The following CEP295NL variants were observed in gnomAD, a reference collection of about 807,000 sequenced individuals.
The protein encoded by CEP295NL is CEP295 N-terminal like, also known as protein DDC8 homolog.
Under a neutral mutation model 4.6 loss-of-function variants are expected in CEP295NL, and 3 were observed. The observed-to-expected ratio is 0.65, with a 90% CI of 0.30 to 1.69. The LOEUF (loss-of-function observed/expected upper bound fraction) is 1.69. CEP295NL is among the 40% of genes most tolerant of loss of function. CEP295NL has a pLI of 0.10. For synonymous variants in CEP295NL, 295 were observed against 312.2 expected (o/e 0.94, Z 0.58); for missense variants, 719 against 769.0 (o/e 0.93, Z 0.77).
chr17:78,898,941 C>A (rs1320846660), intron 2 of CEP295NL: 1 of 152,094 alleles, frequency 6.6e-6, no homozygotes, highest in Non-Finnish European at 1.5e-5. Flanking sequence ...TTTCACCATG[C>A]CGGCCAGGCT....
chr17:78,894,559 T>A (rs2069968318), intron 2 of CEP295NL, among the ~76,000 whole-genome samples: 1 of 152,078 alleles, frequency 6.6e-6, no homozygotes, highest in Non-Finnish European at 1.5e-5. Context: ...AAAGAATAGT[T>A]TTTTTGTTTT....
At chr17:78,902,013 C>A (rs1466373889) in intron 1 of CEP295NL, 87 bp from the exon 2 acceptor site, 9 of 564,872 alleles carry the variant, frequency 1.6e-5, no homozygotes, top group South Asian at 1.5e-4. Context: ...TCTAAAAATA[C>A]CCTCCATGAC....
rs1436346855 is a variant in CEP295NL, at chr17:78,891,653, C to T, written c.851G>A (p.Gly284Glu). Residue 284 changes from glycine to glutamate, a missense_variant, in exon 3 of 3, where the codon GGG becomes GAG. Gly to Glu is a moderately conservative substitution (Grantham distance 98). Coordinates refer to ENST00000322630, the MANE Select transcript of CEP295NL (RefSeq NM_001243540.2). The surrounding 1 kb of genome is among the most constrained non-coding windows in gnomAD (Gnocchi z 4.5). The part of the protein sequence containing the change: ...ARAGRRQLGK[G>E]AVCFVPALTS... ...CAGGGCTGGAACAAAGCAAACTGCC[C>T]CCTTTCCCAGTTGCCTCCTCCCCGC... 3 of 1,551,014 alleles carry T rather than the reference C, an allele frequency of 1.9e-6. No individual in the cohort carries two copies. The highest frequency in any genetic ancestry group is 2.4e-5 in the South Asian group (2 of 84,062).
chr17:78,892,213 C>T lies in CEP295NL; in HGVS notation c.291G>A (p.Ala97=), dbSNP rs752729610. Residue 97 remains alanine (A), a synonymous_variant, in exon 3 of 3, where the codon GCG becomes GCA. Coordinates refer to ENST00000322630, the MANE Select transcript of CEP295NL (RefSeq NM_001243540.2). Reference sequence around the variant, plus strand: ...GGTAGTTTTTCCACAGCTTGGCATCCGCTCTTCTCTGCAGAGCGAGATCGC... The same window carrying T: ...GGTAGTTTTTCCACAGCTTGGCATCTGCTCTTCTCTGCAGAGCGAGATCGC... ...GKGDLALQRR[A]DAKLWKNYQL... 4.1e-5 allele frequency: 64 copies of T among 1,550,912 alleles called. No individual in the cohort carries two copies. The highest frequency in any genetic ancestry group is 7.3e-5 in the East Asian group (3 of 40,940).
rs1030541227 is a variant in CEP295NL, at chr17:78,896,846, G to A, written c.45-4387C>T. 5 of 868,110 alleles carry A rather than the reference G, an allele frequency of 5.8e-6. No individual in the cohort carries two copies. Among genetic ancestry groups the A allele is most frequent in the Non-Finnish European group, 5.5e-6 (4 of 722,996 alleles). The allele number at this position is 868,110 out of a possible 1,614,324, so 53.8% of individuals were successfully genotyped here. ...CTACAGCCCCGTGGCCCCAGCGCAG[G>A]AGCCAGCCCATGGCAGCTCCACCCC... On this transcript the variant is annotated intron_variant, in intron 2 of 2. Coordinates refer to ENST00000322630, the MANE Select transcript of CEP295NL (RefSeq NM_001243540.2). The surrounding 1 kb of genome is among the most constrained non-coding windows in gnomAD (Gnocchi z 4.4).
chr17:78,897,140 T>C, intron 2 of CEP295NL: 1 of 283,314 alleles, frequency 3.5e-6, no homozygotes, highest in Non-Finnish European at 5.3e-6. Context: ...CGAAGGAGAC[T>C]CCAGGCCTGC....
In CEP295NL at chr17:78,891,148, G is replaced by A. The variant is rs144028091; in HGVS notation, c.1356C>T (p.Pro452=). 4.8e-5 allele frequency: 74 copies of A among 1,550,582 alleles called. No homozygotes were observed. In the African/African-American group the frequency reaches 6.2e-4, roughly 13 times the overall value. ...CTTTGTTGATAAATATACCTGCCTC[G>A]GGAGACAATGTTTGACTTCCATTTC... is the stretch of plus-strand genomic sequence containing the variant. The part of the protein sequence containing the change: ...TFRNGSQTLS[P]EAGIFINKED... Residue 452 remains proline (P), a synonymous_variant, in exon 3 of 3, where the codon CCC becomes CCT. Transcript: ENST00000322630. The surrounding 1 kb of genome is among the most constrained non-coding windows in gnomAD (Gnocchi z 4.5).
At chr17:78,902,968 G>T (rs1003819090) in intron 1 of CEP295NL, among the ~76,000 whole-genome samples, 166 bp downstream of exon 1, 1 of 152,170 alleles carries the variant, frequency 6.6e-6, no homozygotes, top group Non-Finnish European at 1.5e-5. Flanking sequence ...GGACTTTGCC[G>T]CTGGCCTTGC....
At chr17:78,895,703 C>A (rs1354326273) in intron 2 of CEP295NL, among the ~76,000 whole-genome samples, 2 of 152,318 alleles carry the variant, frequency 1.3e-5, no homozygotes, top group East Asian at 3.9e-4. Context: ...ACTTTCCCAG[C>A]TCACATGGAG....
At chr17:78,893,614 TG>T (rs1487283991) in intron 2 of CEP295NL, among the ~76,000 whole-genome samples, 3 of 151,982 alleles carry the variant, frequency 2.0e-5, no homozygotes, top group African/African-American at 7.3e-5. Flanking sequence ...TGTGTGCCTC[TG>T]TGTGCATGTC....
rs1185819223 is a variant in CEP295NL at position 78,896,577 on chromosome 17, C to A, written c.45-4118G>T. The stretch of plus-strand genomic sequence containing the variant: ...CTCCACATCCTCTGAGTGTTCTGAG[C>A]ATCCTGGGCTGCTTTGGTGTTTTCT... On this transcript the variant is annotated intron_variant, in intron 2 of 2. Coordinates refer to ENST00000322630, the MANE Select transcript of CEP295NL (RefSeq NM_001243540.2). The surrounding 1 kb of genome is among the most constrained non-coding windows in gnomAD (Gnocchi z 4.4). Among the ~76,000 whole-genome samples the A allele has an allele frequency of 6.6e-6, 1 of 152,164 alleles. No homozygotes were observed. The highest frequency in any genetic ancestry group is 1.5e-5 in the Non-Finnish European group (1 of 68,026).
In CEP295NL at chr17:78,892,321, T is replaced by C. The variant is rs1213430725; in HGVS notation, c.183A>G (p.Gly61=). The change falls in exon 3 of 3, where the codon GGA becomes GGG. Residue 61 remains glycine (G), a synonymous_variant. Transcript: ENST00000322630. ...GFADRNRNMD[G]AMWLSLCPDN... ...CAGGACAGAGGCTCAGCCACATGGC[T>C]CCATCCATGTTTCTGTTCCTGTCTG... 1.9e-6 allele frequency: 3 copies of C among 1,550,498 alleles called. No individual in the cohort carries two copies. Among genetic ancestry groups the C allele is most frequent in the African/African-American group, 2.7e-5 (2 of 73,060 alleles).
chr17:78,901,161 G>C (rs761181691), intron 2 of CEP295NL: 1 of 152,864 alleles, frequency 6.5e-6, no homozygotes, highest in Non-Finnish European at 1.5e-5. Context: ...CCGAGAGCTC[G>C]GCAGAGACAC....
At chr17:78,902,004 C>T (rs2070100795) in intron 1 of CEP295NL, 78 bp from the exon 2 acceptor site, 1 of 574,840 alleles carries the variant, frequency 1.7e-6, no homozygotes, top group South Asian at 2.1e-5. Flanking sequence ...GTTCTAGCCT[C>T]TAAAAATACC....
At chr17:78,893,161 GTGTGTGTGCATACA>G (rs2069931297) in intron 2 of CEP295NL, among the ~76,000 whole-genome samples, 1 of 148,892 alleles carries the variant, frequency 6.7e-6, no homozygotes, top group Non-Finnish European at 1.5e-5. Context: ...GTGTGCAGGG[GTGTGTGTGCATACA>G]TGTGTGTGCA....
Position 78,891,144 on chromosome 17 carries a change from C to T in CEP295NL, c.1360G>A (p.Ala454Thr), listed in dbSNP as rs1252664925. ...TCCTCTTTGTTGATAAATATACCTG[C>T]CTCGGGAGACAATGTTTGACTTCCA... is the stretch of plus-strand genomic sequence containing the variant. ...RNGSQTLSPE[A>T]GIFINKEDSL... Residue 454 changes from alanine to threonine, a missense_variant, in exon 3 of 3, where the codon GCA becomes ACA. Coordinates refer to ENST00000322630, the MANE Select transcript of CEP295NL (RefSeq NM_001243540.2). The surrounding 1 kb of genome is among the most constrained non-coding windows in gnomAD (Gnocchi z 4.5). The T allele has an allele frequency of 3.2e-6, 5 of 1,550,538 alleles. No homozygotes were observed. In the Admixed American group the frequency reaches 9.8e-5, roughly 30 times the overall value.
At chr17:78,902,025 C>T (rs939372904) in intron 1 of CEP295NL, 99 bp from the exon 2 acceptor site, 26 of 549,832 alleles carry the variant, frequency 4.7e-5, no homozygotes, top group Middle Eastern at 4.7e-4. Flanking sequence ...CTCCATGACA[C>T]GCTGTGTGCT....
Position 78,891,714 on chromosome 17 carries a change from CG to C in CEP295NL, c.789del (p.Ile263MetfsTer30). On this transcript the variant is annotated frameshift_variant, in exon 3 of 3. Coordinates refer to ENST00000322630, the MANE Select transcript of CEP295NL (RefSeq NM_001243540.2). LOFTEE classifies it low-confidence loss of function (END_TRUNC). The surrounding 1 kb of genome is among the most constrained non-coding windows in gnomAD (Gnocchi z 4.5). ...CCTTTCTCTTTTTCCTCCACAAGCC[CG>C]ATTTCTCCCACAGCAGCCACGAGTG... ...SNPLVAAVGE[I>X]GLVEEKEKGT... is the part of the protein sequence containing the mutation. 6.4e-7 allele frequency: 1 copy of C among 1,551,178 alleles called. No homozygotes were observed. Among genetic ancestry groups the C allele is most frequent in the Non-Finnish European group, 8.7e-7 (1 of 1,147,136 alleles).
rs1202800239 is a variant in CEP295NL, at chr17:78,891,083, G to T, written c.1421C>A (p.Thr474Asn). 2 of 1,550,812 alleles carry T rather than the reference G, an allele frequency of 1.3e-6. No individual in the cohort carries two copies. Among genetic ancestry groups the T allele is most frequent in the East Asian group, 4.9e-5 (2 of 40,932 alleles). Residue 474 changes from threonine (T) to asparagine (N), a missense_variant, in exon 3 of 3, where the codon ACC (threonine) becomes AAC (asparagine). Thr to Asn is a moderately conservative substitution (Grantham distance 65). Coordinates refer to ENST00000322630, the MANE Select transcript of CEP295NL (RefSeq NM_001243540.2). The surrounding 1 kb of genome is among the most constrained non-coding windows in gnomAD (Gnocchi z 4.5). ...LLYSTESGQE[T>N]PKLGTLAEGS... The stretch of plus-strand genomic sequence containing the variant: ...CTCTGCCAGCGTGCCCAGTTTGGGG[G>T]TCTCTTGTCCAGATTCAGTGCTATA...
Sources: allele counts gnomAD v4.1 joint callset (sites outside exome capture counted in the v4.1 genomes callset), GRCh38; gene constraint gnomAD v4.1.1; non-coding constraint Gnocchi (gnomAD v3.1); transcripts MANE v1.5; gene names NCBI Gene and HGNC (gene_info 2026-07-23, HGNC 2026-07-21).